The following MYO3A variants were observed in gnomAD, a reference collection of about 807,000 sequenced individuals.
The protein encoded by MYO3A is myosin IIIA, also known as myosin-IIIa.
Under a neutral mutation model 192.7 loss-of-function variants are expected in MYO3A, and 180 were observed. That is an observed-to-expected ratio of 0.93 (90% CI 0.83 to 1.06). The LOEUF (loss-of-function observed/expected upper bound fraction) is 1.06, where lower values mean the gene tolerates loss of function less well. MYO3A is among the 50% of genes least tolerant of loss of function. The probability of loss-of-function intolerance (pLI) is 0.00; values close to 1 mark genes in which losing one functional copy is unlikely to be tolerated. For synonymous variants in MYO3A, 628 were observed against 645.3 expected, an observed-to-expected ratio of 0.97 and a Z score of 0.41; for missense variants, 1,896 against 1,905.0, an observed-to-expected ratio of 1.00 and a Z score of 0.09.
At chr10:26,068,139 A>G (rs1177159716) in intron 11 of MYO3A, among the ~76,000 whole-genome samples, 1 of 152,130 alleles carries the variant, frequency 6.6e-6, no homozygotes, top group Non-Finnish European at 1.5e-5. Context: ...ATATTAATAT[A>G]TTAAATGGTG....
At chr10:26,176,411 C>T (rs1842336627) in intron 30 of MYO3A, among the ~76,000 whole-genome samples, 1 of 152,180 alleles carries the variant, frequency 6.6e-6, no homozygotes, top group African/African-American at 2.4e-5. Context: ...AGGCTGGAAG[C>T]CGGATCTCAG....
At chr10:25,967,246 A>G (rs948315563) in intron 4 of MYO3A, among the ~76,000 whole-genome samples, 18 of 152,230 alleles carry the variant, frequency 1.2e-4, no homozygotes, top group Non-Finnish European at 2.4e-4. Context: ...AAGAATAATT[A>G]CCAGAGAAAG....
At chr10:26,066,121 C>CAAAA (rs1331706742) in intron 10 of MYO3A, among the ~76,000 whole-genome samples, 7 of 19,350 alleles carry the variant, frequency 3.6e-4, no homozygotes, top group Non-Finnish European at 6.9e-4. Context: ...AACTCCGTCT[C>CAAAA]AAAAAAAAAA....
At chr10:26,045,936 G>A (rs570013774) in intron 10 of MYO3A, among the ~76,000 whole-genome samples, 2 of 152,262 alleles carry the variant, frequency 1.3e-5, no homozygotes, top group East Asian at 3.9e-4. Context: ...CTGGCTAGCT[G>A]AGCTCTTGCA....
intron 10 of MYO3A, among the ~76,000 whole-genome samples, chr10:26,058,428 A>T (rs1834256481): frequency 6.6e-6 from 1 of 152,230 alleles, no homozygotes; most frequent in African/African-American, 2.4e-5. Context: ...GCAATTATGA[A>T]AAAAGCTGCT....
At chr10:25,986,880 C>T (rs576552922) in intron 4 of MYO3A, among the ~76,000 whole-genome samples, 1 of 152,124 alleles carries the variant, frequency 6.6e-6, no homozygotes, top group African/African-American at 2.4e-5. Flanking sequence ...TCATATGGAA[C>T]CAAAAAAGAG....
chr10:25,969,108 G>T (rs913245486), intron 4 of MYO3A, among the ~76,000 whole-genome samples: 11 of 152,020 alleles, frequency 7.2e-5, no homozygotes, highest in African/African-American at 2.7e-4. Context: ...GTGAGGTGGC[G>T]TGCACCTGTA....
rs777601576 is a variant in MYO3A, at chr10:26,089,461, C to T, written c.1562+1056C>T. On this transcript the variant is annotated intron_variant, in intron 15 of 34. Coordinates refer to ENST00000642920, the MANE Select transcript of MYO3A (RefSeq NM_017433.5). ...CTAAAAATACAAAAAATTAGCCGGG[C>T]GTGGTGGTGGGTGCTTGTAGCCCCA... is the stretch of plus-strand genomic sequence containing the variant. Among the ~76,000 whole-genome samples the T allele has an allele frequency of 6.4e-4, 97 of 151,942 alleles. 1 individual carries two copies. The highest frequency in any genetic ancestry group is 1.1e-3 in the Admixed American group (17 of 15,260).
chr10:26,178,543 ACT>A, intron 31 of MYO3A, among the ~76,000 whole-genome samples: 2 of 148,430 alleles, frequency 1.3e-5, no homozygotes, highest in East Asian at 4.0e-4. Context: ...ACAGAGCGAG[ACT>A]CTGTCTCAAA....
chr10:26,034,394 T>A (rs1193299588), intron 10 of MYO3A, among the ~76,000 whole-genome samples: 1 of 152,206 alleles, frequency 6.6e-6, no homozygotes, highest in African/African-American at 2.4e-5. Context: ...CGCCACTGTC[T>A]ACAGCAGCCC....
At position 26,031,465 on chromosome 10, in the gene MYO3A, C is replaced by T. The variant is rs367922994; in HGVS notation, c.953+4933C>T. The stretch of plus-strand genomic sequence containing the variant: ...TAAGTTCCATACTGGACCATCTGAT[C>T]GCCCACGTGTAGGTCACAGGCCCAC... On this transcript the variant is annotated intron_variant, in intron 10 of 34. Transcript: ENST00000642920. 9.1e-4 allele frequency among the ~76,000 whole-genome samples: 139 copies of T among 152,300 alleles called. 1 individual carries two copies. The highest frequency in any genetic ancestry group is 1.6e-3 in the Non-Finnish European group (111 of 68,030).
chr10:25,977,110 G>T (rs988905697), intron 4 of MYO3A, among the ~76,000 whole-genome samples: 2 of 152,150 alleles, frequency 1.3e-5, no homozygotes, highest in African/African-American at 4.8e-5. Flanking sequence ...AATTCTAAAT[G>T]AAGAATTAGA....
intron 10 of MYO3A, among the ~76,000 whole-genome samples, chr10:26,061,098 T>G (rs1834443452): frequency 6.6e-6 from 1 of 151,802 alleles, no homozygotes; most frequent in African/African-American, 2.4e-5. Flanking sequence ...CCAGCTAATT[T>G]TTTTGTATTT....
At chr10:26,185,999 A>G (rs1267010384) in intron 31 of MYO3A, among the ~76,000 whole-genome samples, 1 of 152,204 alleles carries the variant, frequency 6.6e-6, no homozygotes, top group African/African-American at 2.4e-5. Context: ...CACAATAATT[A>G]CATAACCTTT....
At chr10:25,990,736 T>C (rs764867430) in intron 4 of MYO3A, among the ~76,000 whole-genome samples, 1 of 148,404 alleles carries the variant, frequency 6.7e-6, no homozygotes, top group Middle Eastern at 3.5e-3. Context: ...TGTTCAATTC[T>C]TACCTGTGAG....
At chr10:26,038,245 A>G (rs1843143560) in intron 10 of MYO3A, among the ~76,000 whole-genome samples, 1 of 152,156 alleles carries the variant, frequency 6.6e-6, no homozygotes, top group Non-Finnish European at 1.5e-5. Flanking sequence ...GAAGAATGTC[A>G]TTGATATTTT....
intron 20 of MYO3A, among the ~76,000 whole-genome samples, chr10:26,130,783 G>C (rs7895734): frequency 0.33 from 50,212 of 152,008 alleles, 8,447 homozygotes; most frequent in Middle Eastern, 0.44. Context: ...ATTTTAACAC[G>C]TGAGTGTACT....
chr10:26,105,176 A>G (rs1017150190), intron 17 of MYO3A, among the ~76,000 whole-genome samples: 3 of 152,128 alleles, frequency 2.0e-5, no homozygotes, highest in African/African-American at 4.8e-5. Context: ...AAACTGAAGT[A>G]TGTCCTTATT....
chr10:26,098,564 A>G (rs1317290405), intron 17 of MYO3A, among the ~76,000 whole-genome samples: 1 of 152,230 alleles, frequency 6.6e-6, no homozygotes, highest in African/African-American at 2.4e-5. Context: ...TTAAGTCTTT[A>G]ATCCATGTTG....
Sources: allele counts gnomAD v4.1 joint callset (sites outside exome capture counted in the v4.1 genomes callset), GRCh38; gene constraint gnomAD v4.1.1; transcripts MANE v1.5; gene names NCBI Gene and HGNC (gene_info 2026-07-23, HGNC 2026-07-21).